The following SSH2 variants were observed in gnomAD, a reference collection of about 807,000 sequenced individuals.
SSH2 encodes slingshot protein phosphatase 2.
In SSH2, 37 loss-of-function variants were observed where a neutral mutation model predicts 135.2. The ratio of observed to expected loss-of-function variants is 0.27; its 90% CI spans 0.21 to 0.36. The LOEUF (loss-of-function observed/expected upper bound fraction) is 0.36. SSH2 is among the 10% of genes least tolerant of loss of function. The probability of loss-of-function intolerance (pLI) is 1.00; values close to 1 mark genes in which losing one functional copy is unlikely to be tolerated. For missense variants in SSH2, 1,408 were observed against 1,765.3 expected, an observed-to-expected ratio of 0.80 and a Z score of 3.63; for synonymous variants, 628 against 646.2, an observed-to-expected ratio of 0.97 and a Z score of 0.43.
chr17:29,930,070 G>T lies in SSH2; in HGVS notation c.-70C>A. 2 of 1,318,672 alleles carry T rather than the reference G, an allele frequency of 1.5e-6. No homozygotes were observed. Among genetic ancestry groups the T allele is most frequent in the Non-Finnish European group, 2.1e-6 (2 of 947,816 alleles). 81.7% of individuals were successfully genotyped at this position (1,318,672 alleles called of 1,614,324 possible). Reference sequence around the variant, plus strand: ...GTGTGGGGGACGGGAGGGTGACGGAGCCGGGATGGGGAAAGGGGTGCGGGG... The same window carrying T: ...GTGTGGGGGACGGGAGGGTGACGGATCCGGGATGGGGAAAGGGGTGCGGGG... On this transcript the variant is annotated 5_prime_UTR_variant, in exon 1 of 16. Transcript: ENST00000540801.
chr17:29,635,843 A>T, intron 15 of SSH2, 125 bp downstream of exon 15: 1 of 804,144 alleles, frequency 1.2e-6, no homozygotes, highest in Non-Finnish European at 2.0e-6. Context: ...AAAAATATTT[A>T]AACCCTAAGT....
chr17:29,731,950 T>A (rs933948133), intron 3 of SSH2, among the ~76,000 whole-genome samples: 47 of 151,948 alleles, frequency 3.1e-4, no homozygotes, highest in African/African-American at 1.1e-3. Context: ...CCAGTGCTGG[T>A]CAATTAAAAA....
rs552005292 is a variant in SSH2, at chr17:29,914,595, G to T, written c.63+15343C>A. On this transcript the variant is annotated intron_variant, in intron 1 of 15. Coordinates refer to ENST00000540801, the MANE Select transcript of SSH2 (RefSeq NM_001282129.2). ...AAAAACAAACAAAAAACCCCAAAGAGTATTTCTTGTCAGTTCTTCAAACAA... is the reference window on the plus strand; with the variant it reads ...AAAAACAAACAAAAAACCCCAAAGATTATTTCTTGTCAGTTCTTCAAACAA... Among the ~76,000 whole-genome samples, 19 of 149,850 alleles carry T rather than the reference G, an allele frequency of 1.3e-4. 1 individual carries two copies. In the South Asian group the frequency reaches 4.0e-3, roughly 31 times the overall value.
At chr17:29,891,036 G>T (rs920665394) in intron 1 of SSH2, among the ~76,000 whole-genome samples, 1 of 152,118 alleles carries the variant, frequency 6.6e-6, no homozygotes, top group Non-Finnish European at 1.5e-5. Context: ...TTACAGGTGT[G>T]AGCCACCACG....
chr17:29,640,331 C>T (rs2036099705), intron 14 of SSH2, among the ~76,000 whole-genome samples: 1 of 148,112 alleles, frequency 6.8e-6, no homozygotes, highest in Non-Finnish European at 1.5e-5. Flanking sequence ...TTGCCTCAGC[C>T]TCCCAAAGTG....
chr17:29,742,303 C>T (rs1254888146), intron 3 of SSH2, among the ~76,000 whole-genome samples: 1 of 150,782 alleles, frequency 6.6e-6, no homozygotes, highest in African/African-American at 2.4e-5. Context: ...AAATCACTCA[C>T]CCAGGGCAAG....
chr17:29,925,230 T>C (rs2067042514), intron 1 of SSH2: 2 of 278,110 alleles, frequency 7.2e-6, no homozygotes, highest in African/African-American at 4.4e-5. Flanking sequence ...ATTATAGTAT[T>C]ATACTTTGTT....
intron 3 of SSH2, among the ~76,000 whole-genome samples, chr17:29,703,297 G>A (rs901623364): frequency 2.0e-5 from 3 of 152,226 alleles, no homozygotes; most frequent in Admixed American, 1.3e-4. Context: ...TGCCCAGGCC[G>A]GAGTGCAGTG....
intron 1 of SSH2, among the ~76,000 whole-genome samples, chr17:29,922,476 CTTA>C (rs1300051040): frequency 6.6e-6 from 1 of 152,176 alleles, no homozygotes; most frequent in African/African-American, 2.4e-5. Flanking sequence ...GGATTGTATA[CTTA>C]TTAAAACAGG....
At chr17:29,781,929 T>C (rs914837725) in intron 3 of SSH2, among the ~76,000 whole-genome samples, 9 of 151,608 alleles carry the variant, frequency 5.9e-5, no homozygotes, top group African/African-American at 2.2e-4. Flanking sequence ...CACTGCAACC[T>C]CTCCCTCCCA....
At chr17:29,740,473 CAT>C (rs1307083186) in intron 3 of SSH2, among the ~76,000 whole-genome samples, 1 of 150,690 alleles carries the variant, frequency 6.6e-6, no homozygotes, top group Non-Finnish European at 1.5e-5. Context: ...GTAAATTTGC[CAT>C]AGGTGCCTAT....
chr17:29,803,847 G>A (rs962867293), intron 2 of SSH2, among the ~76,000 whole-genome samples: 1 of 152,128 alleles, frequency 6.6e-6, no homozygotes, highest in Non-Finnish European at 1.5e-5. Context: ...ATTTTTACAG[G>A]TTAATGTCTA....
chr17:29,733,587 A>G (rs573257133), intron 3 of SSH2, among the ~76,000 whole-genome samples: 1 of 152,182 alleles, frequency 6.6e-6, no homozygotes, highest in African/African-American at 2.4e-5. Context: ...TATAAAGGTA[A>G]TATTTTGAAT....
chr17:29,766,750 G>A (rs544195923), intron 3 of SSH2, among the ~76,000 whole-genome samples: 4 of 152,148 alleles, frequency 2.6e-5, no homozygotes, highest in South Asian at 4.1e-4. Flanking sequence ...CTAAGGGCTC[G>A]ATGTAGAAAA....
At chr17:29,881,268 T>C (rs1251067219) in intron 1 of SSH2, among the ~76,000 whole-genome samples, 2 of 152,186 alleles carry the variant, frequency 1.3e-5, no homozygotes, top group East Asian at 3.8e-4. Flanking sequence ...ATATGTGAAG[T>C]ATTGAAGATT....
chr17:29,794,042 A>G, intron 2 of SSH2, 105 bp from the exon 3 acceptor site: 2 of 894,614 alleles, frequency 2.2e-6, no homozygotes, highest in Non-Finnish European at 3.5e-6. Context: ...CTTGAACTAA[A>G]TTACTCATGT....
intron 3 of SSH2, among the ~76,000 whole-genome samples, chr17:29,754,485 CAT>C (rs2041052033): frequency 6.6e-6 from 1 of 152,114 alleles, no homozygotes; most frequent in Non-Finnish European, 1.5e-5. Flanking sequence ...AGAAAGCACT[CAT>C]GTGCTTCTAG....
Position 29,728,905 on chromosome 17 carries a change from T to A in SSH2, c.189-25843A>T, listed in dbSNP as rs1303829813. 2.0e-5 allele frequency among the ~76,000 whole-genome samples: 3 copies of A among 152,238 alleles called. No homozygotes were observed. In the East Asian group the frequency reaches 5.8e-4, roughly 29 times the overall value. On this transcript the variant is annotated intron_variant, in intron 3 of 15. Coordinates refer to ENST00000540801, the MANE Select transcript of SSH2 (RefSeq NM_001282129.2). ...ATATACAAAGTCAAATCAAAATGGA[T>A]TAAATACTTAAACCTAAGACCTCAA...
intron 11 of SSH2, among the ~76,000 whole-genome samples, chr17:29,664,039 T>C (rs1239417128): frequency 1.3e-5 from 2 of 152,238 alleles, no homozygotes; most frequent in Non-Finnish European, 2.9e-5. Flanking sequence ...ATGTATCATA[T>C]CTGTGTGTGT....
Sources: allele counts gnomAD v4.1 joint callset (sites outside exome capture counted in the v4.1 genomes callset), GRCh38; gene constraint gnomAD v4.1.1; transcripts MANE v1.5; gene names NCBI Gene and HGNC (gene_info 2026-07-23, HGNC 2026-07-21).